The following ADAMTS12 variants were observed in gnomAD, a reference collection of about 807,000 sequenced individuals.
ADAMTS12 encodes the protein ADAM metallopeptidase with thrombospondin type 1 motif 12.
A neutral mutation model predicts 167.8 loss-of-function variants in ADAMTS12; 118 were observed. The ratio of observed to expected loss-of-function variants is 0.70; its 90% CI spans 0.61 to 0.82. ADAMTS12 has a LOEUF of 0.82. Among genes scored for constraint, ADAMTS12 ranks in the 40% least tolerant of loss-of-function variants. The pLI is 0.00. For synonymous variants in ADAMTS12, 704 were observed against 716.9 expected (o/e 0.98, Z 0.29); for missense variants, 1,916 against 1,998.8 (o/e 0.96, Z 0.79).
chr5:33,763,442 A>T (rs551537410), intron 2 of ADAMTS12, among the ~76,000 whole-genome samples: 20 of 152,326 alleles, frequency 1.3e-4, no homozygotes, highest in Admixed American at 4.6e-4. Context: ...GACTCTCCAA[A>T]AGGAAGGTAG....
At chr5:33,663,207 C>T (rs541782994) in intron 5 of ADAMTS12, among the ~76,000 whole-genome samples, 2 of 152,326 alleles carry the variant, frequency 1.3e-5, no homozygotes, top group South Asian at 2.1e-4. Context: ...ACACTGACTT[C>T]ATTATTTAAT....
At chr5:33,826,699 T>G (rs976411722) in intron 2 of ADAMTS12, among the ~76,000 whole-genome samples, 1 of 152,002 alleles carries the variant, frequency 6.6e-6, no homozygotes, top group African/African-American at 2.4e-5. Flanking sequence ...TAACCTAAAT[T>G]AATAATGAAG....
At chr5:33,795,977 C>A (rs1746761201) in intron 2 of ADAMTS12, among the ~76,000 whole-genome samples, 1 of 152,126 alleles carries the variant, frequency 6.6e-6, no homozygotes, top group South Asian at 2.1e-4. Context: ...CTGGAATTTG[C>A]AACTTTTATT....
intron 2 of ADAMTS12, among the ~76,000 whole-genome samples, chr5:33,785,832 T>C (rs1746304489): frequency 6.6e-6 from 1 of 152,164 alleles, no homozygotes; most frequent in Non-Finnish European, 1.5e-5. Context: ...TTAAGAGAAA[T>C]GAAGCGTGTA....
At chr5:33,858,061 C>T (rs1011409990) in intron 2 of ADAMTS12, among the ~76,000 whole-genome samples, 6 of 152,204 alleles carry the variant, frequency 3.9e-5, no homozygotes, top group African/African-American at 1.4e-4. Context: ...AACAGCAAGA[C>T]ACACATTCTT....
In ADAMTS12 at chr5:33,525,663, G is replaced by A. The variant is rs948061447; in HGVS notation, c.*1525C>T. 6.6e-6 allele frequency: 1 copy of A among 152,090 alleles called. No homozygotes were observed. The highest frequency in any genetic ancestry group is 6.5e-5 in the Admixed American group (1 of 15,268). 9.4% of individuals were successfully genotyped at this position (152,090 alleles called of 1,614,324 possible). On this transcript the variant is annotated 3_prime_UTR_variant, in exon 24 of 24. Transcript: ENST00000504830. ...CATTCTGCTGAACGGATAGGTAAAG[G>A]GAGACGTGGGATATTGTGTTCCATG... is the stretch of plus-strand genomic sequence containing the variant.
At chr5:33,813,593 G>A (rs1244095125) in intron 2 of ADAMTS12, among the ~76,000 whole-genome samples, 1 of 152,158 alleles carries the variant, frequency 6.6e-6, no homozygotes, top group Non-Finnish European at 1.5e-5. Context: ...CCTTGAAGAG[G>A]GCTGACAGCT....
chr5:33,617,708 C>G (rs929370019), intron 14 of ADAMTS12, among the ~76,000 whole-genome samples: 2 of 152,042 alleles, frequency 1.3e-5, no homozygotes, highest in African/African-American at 4.8e-5. Context: ...CTTTTCATAT[C>G]AGAGCTCATG....
intron 7 of ADAMTS12, among the ~76,000 whole-genome samples, chr5:33,653,164 G>A (rs1381866506): frequency 6.6e-6 from 1 of 152,006 alleles, no homozygotes; most frequent in Non-Finnish European, 1.5e-5. Flanking sequence ...TAAATTTTTT[G>A]AAGATGTTCT....
chr5:33,582,205 G>A, intron 18 of ADAMTS12, among the ~76,000 whole-genome samples: 1 of 152,164 alleles, frequency 6.6e-6, no homozygotes, highest in Non-Finnish European at 1.5e-5. Context: ...CTCTCAGCTG[G>A]TTTTCTGTGA....
chr5:33,656,142 C>T (rs146565366), intron 7 of ADAMTS12, among the ~76,000 whole-genome samples: 2 of 152,080 alleles, frequency 1.3e-5, no homozygotes, highest in African/African-American at 4.8e-5. Flanking sequence ...GTTTTATTTC[C>T]ACAATGCATC....
intron 2 of ADAMTS12, among the ~76,000 whole-genome samples, chr5:33,806,547 T>C (rs1388392250): frequency 6.6e-6 from 1 of 152,238 alleles, no homozygotes; most frequent in Non-Finnish European, 1.5e-5. Flanking sequence ...GTCTCGGCTT[T>C]GGTCCAGTGA....
chr5:33,690,988 C>G (rs753290140), intron 3 of ADAMTS12, among the ~76,000 whole-genome samples: 1 of 152,232 alleles, frequency 6.6e-6, no homozygotes, highest in Non-Finnish European at 1.5e-5. Context: ...GCTTAGACAT[C>G]GATTGAACTC....
At chr5:33,887,341 A>AT (rs1203185336) in intron 1 of ADAMTS12, among the ~76,000 whole-genome samples, 1 of 151,886 alleles carries the variant, frequency 6.6e-6, no homozygotes, top group African/African-American at 2.4e-5. Context: ...AGGGATGAGG[A>AT]TTTTTTCCTG....
chr5:33,588,840 A>G (rs746389503), intron 17 of ADAMTS12, 31 bp from the exon 18 acceptor site: 24 of 1,609,118 alleles, frequency 1.5e-5, no homozygotes, highest in Non-Finnish European at 2.0e-5. Flanking sequence ...GTGAGAGAAG[A>G]TCGCCAACTT....
At chr5:33,570,291 T>C (rs922581199) in intron 19 of ADAMTS12, among the ~76,000 whole-genome samples, 2 of 152,074 alleles carry the variant, frequency 1.3e-5, no homozygotes, top group African/African-American at 4.8e-5. Flanking sequence ...AGACACGTAA[T>C]TGTCAGATTC....
intron 2 of ADAMTS12, among the ~76,000 whole-genome samples, chr5:33,822,373 A>T (rs1245178461): frequency 1.3e-5 from 2 of 152,262 alleles, no homozygotes; most frequent in African/African-American, 4.8e-5. Flanking sequence ...TGGGAGGAAG[A>T]CTTTAGTTCT....
chr5:33,847,901 T>C (rs1170335608), intron 2 of ADAMTS12, among the ~76,000 whole-genome samples: 1 of 151,958 alleles, frequency 6.6e-6, no homozygotes, highest in South Asian at 2.1e-4. Context: ...TTTCCAAGGA[T>C]ATCCTCTCCC....
At chr5:33,847,361 G>A (rs1043684996) in intron 2 of ADAMTS12, among the ~76,000 whole-genome samples, 6 of 152,296 alleles carry the variant, frequency 3.9e-5, no homozygotes, top group South Asian at 4.1e-4. Flanking sequence ...TGTGGCTCAC[G>A]CCTGTAATCC....
Sources: gnomAD v4.1 joint callset for allele counts (sites outside exome capture counted in the v4.1 genomes callset) on GRCh38, gnomAD v4.1.1 for gene constraint, MANE v1.5 for transcripts, NCBI Gene and HGNC (gene_info 2026-07-23, HGNC 2026-07-21) for gene names.